APBB2: variants seen among roughly 807,000 people sequenced by gnomAD.
APBB2 encodes the protein amyloid beta precursor protein binding family B member 2, also known as Fe65-like 1.
Under a neutral mutation model 82.5 loss-of-function variants are expected in APBB2, and 38 were observed. The observed-to-expected ratio is 0.46, with a 90% confidence interval of 0.36 to 0.60. The LOEUF (loss-of-function observed/expected upper bound fraction) is 0.60. Among genes scored for constraint, APBB2 ranks in the 20% least tolerant of loss-of-function variants. The probability of loss-of-function intolerance (pLI) is 0.00; values close to 1 mark genes in which losing one functional copy is unlikely to be tolerated. For synonymous variants in APBB2, 341 were observed against 368.2 expected (o/e 0.93, Z 0.85); for missense variants, 772 against 972.3 (o/e 0.79, Z 2.74).
intron 4 of APBB2, among the ~76,000 whole-genome samples, chr4:41,033,817 A>G (rs920028582): frequency 2.6e-5 from 4 of 152,232 alleles, no homozygotes; most frequent in Admixed American, 2.6e-4. Context: ...ATTAAGAAAA[A>G]TATGAACAAG....
chr4:41,094,082 G>A (rs1309168596), intron 3 of APBB2, among the ~76,000 whole-genome samples: 2 of 152,020 alleles, frequency 1.3e-5, no homozygotes, highest in African/African-American at 4.8e-5. Flanking sequence ...AAAACATCAT[G>A]TTGTATACTA....
chr4:40,852,167 T>C (rs1439528346), intron 12 of APBB2, among the ~76,000 whole-genome samples: 2 of 151,614 alleles, frequency 1.3e-5, no homozygotes, highest in Non-Finnish European at 2.9e-5. Flanking sequence ...CTGGCGAACA[T>C]AGTGAAACCC....
At chr4:40,998,464 T>A (rs1204295177) in intron 6 of APBB2, among the ~76,000 whole-genome samples, 2 of 152,202 alleles carry the variant, frequency 1.3e-5, no homozygotes, top group African/African-American at 4.8e-5. Flanking sequence ...AAATTAGAAA[T>A]TATGGAATTT....
chr4:41,013,831 T>A lies in APBB2; in HGVS notation c.587A>T (p.Gln196Leu), dbSNP rs1326145108. The A allele has an allele frequency of 1.2e-6, 2 of 1,614,110 alleles. No homozygotes were observed. The highest frequency in any genetic ancestry group is 1.7e-6 in the Non-Finnish European group (2 of 1,180,042). Reference sequence around the variant, plus strand: ...GCCATTCCCAATGATGGTGGAGGCCTGGCCCTGGACTGGCTGGGATTTCTC... The same window carrying A: ...GCCATTCCCAATGATGGTGGAGGCCAGGCCCTGGACTGGCTGGGATTTCTC... ...AEEKSQPVQGQASTIIGNGDL... is the reference protein window; with the variant it reads ...AEEKSQPVQGLASTIIGNGDL... Residue 196 changes from glutamine (Q) to leucine (L), a missense_variant, in exon 6 of 18, where the codon CAG (glutamine) becomes CTG (leucine). Transcript: ENST00000508593.
intron 1 of APBB2, among the ~76,000 whole-genome samples, chr4:41,209,573 G>T (rs183794322): frequency 1.3e-5 from 2 of 152,310 alleles, no homozygotes; most frequent in African/African-American, 4.8e-5. Flanking sequence ...TCACAAGGGT[G>T]GGCCTGGGAA....
At chr4:41,109,937 T>C (rs982629125) in intron 2 of APBB2, among the ~76,000 whole-genome samples, 29 of 152,206 alleles carry the variant, frequency 1.9e-4, no homozygotes, top group Non-Finnish European at 3.8e-4. Flanking sequence ...GTGCTTTGTA[T>C]TATTTAGTTT....
intron 13 of APBB2, among the ~76,000 whole-genome samples, chr4:40,830,211 CAT>C (rs372640227): frequency 3.1e-4 from 46 of 149,424 alleles, no homozygotes; most frequent in South Asian, 6.4e-4. Context: ...CACACACACA[CAT>C]ATATATATAT....
At chr4:40,951,915 C>A (rs1472966956) in intron 6 of APBB2, among the ~76,000 whole-genome samples, 1 of 151,912 alleles carries the variant, frequency 6.6e-6, no homozygotes, top group African/African-American at 2.4e-5. Context: ...TGGTTCAAAG[C>A]AAAAAGATCT....
intron 12 of APBB2, among the ~76,000 whole-genome samples, chr4:40,887,813 G>A (rs115431751): frequency 6.6e-6 from 1 of 152,284 alleles, no homozygotes; most frequent in African/African-American, 2.4e-5. Flanking sequence ...AGCGTATTTC[G>A]AAATTACACT....
intron 6 of APBB2, among the ~76,000 whole-genome samples, chr4:40,971,191 C>T (rs1011975209): frequency 3.3e-5 from 5 of 152,072 alleles, no homozygotes; most frequent in East Asian, 1.9e-4. Flanking sequence ...GCTATTAACA[C>T]GATTCTTTCT....
intron 6 of APBB2, among the ~76,000 whole-genome samples, chr4:40,962,690 C>G (rs1368741998): frequency 6.7e-6 from 1 of 149,610 alleles, no homozygotes; most frequent in Non-Finnish European, 1.5e-5. Flanking sequence ...TAGATAGTAT[C>G]TATATGAATG....
chr4:41,066,041 T>C (rs1332001992), intron 3 of APBB2, among the ~76,000 whole-genome samples: 1 of 152,112 alleles, frequency 6.6e-6, no homozygotes, highest in African/African-American at 2.4e-5. Context: ...GGCTGTTTGC[T>C]CTGACATCTG....
chr4:41,140,233 T>C (rs189924456), intron 2 of APBB2, among the ~76,000 whole-genome samples: 5 of 152,338 alleles, frequency 3.3e-5, no homozygotes, highest in Non-Finnish European at 5.9e-5. Context: ...TGGCTAGGCC[T>C]TAAACAATTG....
intron 6 of APBB2, among the ~76,000 whole-genome samples, chr4:41,000,061 ATGTGTGTATGTG>A (rs1364028079): frequency 7.9e-5 from 9 of 113,226 alleles, no homozygotes; most frequent in African/African-American, 1.9e-4. Flanking sequence ...ATGTATATAT[ATGTGTGTATGTG>A]TGTGTGTGTG....
chr4:41,059,526 G>A (rs1729021643), intron 4 of APBB2, among the ~76,000 whole-genome samples: 1 of 152,212 alleles, frequency 6.6e-6, no homozygotes, highest in African/African-American at 2.4e-5. Context: ...ACGCGAATGA[G>A]GGCAAGGAAC....
intron 12 of APBB2, among the ~76,000 whole-genome samples, chr4:40,860,044 T>C (rs2154334315): frequency 6.6e-6 from 1 of 152,368 alleles, no homozygotes; most frequent in Non-Finnish European, 1.5e-5. Flanking sequence ...TGGTGTTAAA[T>C]ATTTGGAAAA....
At chr4:41,132,908 T>A (rs1756467392) in intron 2 of APBB2, among the ~76,000 whole-genome samples, 1 of 152,034 alleles carries the variant, frequency 6.6e-6, no homozygotes, top group South Asian at 2.1e-4. Context: ...ATCATACTGC[T>A]CAGCTATCCC....
At chr4:41,149,283 A>T (rs1032049300) in intron 1 of APBB2, among the ~76,000 whole-genome samples, 4 of 151,006 alleles carry the variant, frequency 2.6e-5, no homozygotes, top group African/African-American at 7.4e-5. Context: ...TTTAAAGATT[A>T]AAAAAAAATT....
chr4:40,982,457 G>GAA (rs1799327888), intron 6 of APBB2, among the ~76,000 whole-genome samples: 1 of 70,894 alleles, frequency 1.4e-5, no homozygotes. Flanking sequence ...AAGAAAGAAT[G>GAA]AATGAATTTG....
Sources: gnomAD v4.1 joint callset for allele counts (sites outside exome capture counted in the v4.1 genomes callset) on GRCh38, gnomAD v4.1.1 for gene constraint, MANE v1.5 for transcripts, NCBI Gene and HGNC (gene_info 2026-07-23, HGNC 2026-07-21) for gene names.